ZNF407: variants seen among roughly 807,000 people sequenced by gnomAD.
The protein encoded by ZNF407 is zinc finger protein 407.
ZNF407 carries 17 observed loss-of-function variants against 131.2 expected under a neutral mutation model. The observed-to-expected ratio is 0.13, with a 90% CI of 0.09 to 0.19. The LOEUF is 0.19. Among genes scored for constraint, ZNF407 ranks in the 10% least tolerant of loss-of-function variants. The probability of loss-of-function intolerance (pLI) is 1.00; values close to 1 mark genes in which losing one functional copy is unlikely to be tolerated. For missense variants in ZNF407, 2,681 were observed against 2,830.6 expected (o/e 0.95, Z 1.20); for synonymous variants, 1,156 against 1,062.0 (o/e 1.09, Z -1.72).
intron 4 of ZNF407, among the ~76,000 whole-genome samples, chr18:74,862,571 T>C (rs1341163020): frequency 6.6e-6 from 1 of 152,252 alleles, no homozygotes; most frequent in African/African-American, 2.4e-5. Context: ...AATGCATTTA[T>C]GTAGTACTGT....
At chr18:74,847,799 C>G (rs1970722267) in intron 4 of ZNF407, among the ~76,000 whole-genome samples, 1 of 149,548 alleles carries the variant, frequency 6.7e-6, no homozygotes, top group South Asian at 2.1e-4. Flanking sequence ...AATTTTTTGT[C>G]ATTTAAAAAT....
At chr18:74,837,700 C>G (rs1408965564) in intron 4 of ZNF407, among the ~76,000 whole-genome samples, 1 of 152,062 alleles carries the variant, frequency 6.6e-6, no homozygotes, top group African/African-American at 2.4e-5. Flanking sequence ...GTCACCCAGG[C>G]TGGAGTGTAG....
intron 8 of ZNF407, among the ~76,000 whole-genome samples, chr18:75,054,625 T>A (rs1363289777): frequency 6.6e-6 from 1 of 152,248 alleles, no homozygotes; most frequent in African/African-American, 2.4e-5. Flanking sequence ...GTACAACTTT[T>A]GAAAAATAGG....
chr18:74,642,323 G>T (rs547316310), intron 3 of ZNF407, among the ~76,000 whole-genome samples: 11 of 152,216 alleles, frequency 7.2e-5, no homozygotes, highest in African/African-American at 9.6e-5. Context: ...CAAGGGTCAG[G>T]TGTCAAATGG....
intron 3 of ZNF407, among the ~76,000 whole-genome samples, chr18:74,641,620 T>C (rs1317092765): frequency 6.6e-6 from 1 of 152,218 alleles, no homozygotes; most frequent in Non-Finnish European, 1.5e-5. Context: ...AGAACTGTTG[T>C]TATGCATTTT....
intron 1 of ZNF407, among the ~76,000 whole-genome samples, chr18:74,612,436 A>T (rs541661845): frequency 6.6e-6 from 1 of 152,352 alleles, no homozygotes; most frequent in African/African-American, 2.4e-5. Flanking sequence ...TCTCAAAAAC[A>T]AACATGATTT....
At chr18:74,676,252 C>T (rs547684895) in intron 3 of ZNF407, among the ~76,000 whole-genome samples, 9 of 151,868 alleles carry the variant, frequency 5.9e-5, no homozygotes, top group East Asian at 2.0e-4. Context: ...CTGCCACGCC[C>T]GGCTAATTTT....
At chr18:75,021,307 C>A (rs890973472) in intron 8 of ZNF407, among the ~76,000 whole-genome samples, 5 of 151,292 alleles carry the variant, frequency 3.3e-5, no homozygotes, top group Non-Finnish European at 7.4e-5. Context: ...CCTGCTCTGT[C>A]ACCCAGGCTG....
chr18:75,043,097 T>C (rs545377456), intron 8 of ZNF407, among the ~76,000 whole-genome samples: 1 of 152,282 alleles, frequency 6.6e-6, no homozygotes, highest in East Asian at 1.9e-4. Context: ...ACAAACTGTT[T>C]TCCACCATGG....
intron 8 of ZNF407, among the ~76,000 whole-genome samples, chr18:74,934,989 G>A (rs17055966): frequency 0.13 from 19,248 of 152,118 alleles, 1,497 homozygotes; most frequent in Admixed American, 0.25. Flanking sequence ...TATGCCAGTA[G>A]ATGCTGCTCT....
intron 4 of ZNF407, among the ~76,000 whole-genome samples, chr18:74,782,812 G>T (rs1969631947): frequency 6.6e-6 from 1 of 151,998 alleles, no homozygotes; most frequent in Non-Finnish European, 1.5e-5. Flanking sequence ...GTAGAGACGG[G>T]GTTTCACTGT....
At chr18:74,766,070 TCTGTGTGTGTGTGG>T (rs1382367175) in intron 3 of ZNF407, among the ~76,000 whole-genome samples, 1 of 151,540 alleles carries the variant, frequency 6.6e-6, no homozygotes, top group Non-Finnish European at 1.5e-5. Context: ...TGTCTGTGTG[TCTGTGTGTGTGTGG>T]CTGTGTGAAT....
intron 8 of ZNF407, among the ~76,000 whole-genome samples, chr18:75,023,405 A>G (rs1973134786): frequency 6.6e-6 from 1 of 152,180 alleles, no homozygotes; most frequent in South Asian, 2.1e-4. Context: ...AACTGGTATT[A>G]GTGATATATC....
At chr18:74,734,683 GT>G (rs1323216806) in intron 3 of ZNF407, among the ~76,000 whole-genome samples, 2 of 144,686 alleles carry the variant, frequency 1.4e-5, no homozygotes, top group African/African-American at 5.7e-5. Flanking sequence ...GTGTGTGTGT[GT>G]GTGTGTGTGT....
At chr18:74,688,057 A>G (rs967092617) in intron 3 of ZNF407, among the ~76,000 whole-genome samples, 22 of 152,200 alleles carry the variant, frequency 1.4e-4, no homozygotes, top group Non-Finnish European at 2.9e-4. Context: ...TTTTTAAAAG[A>G]CCATCAAAAG....
chr18:74,964,276 A>G (rs781462218), intron 8 of ZNF407, among the ~76,000 whole-genome samples: 4 of 152,214 alleles, frequency 2.6e-5, no homozygotes, highest in African/African-American at 9.6e-5. Flanking sequence ...ATCATGTTAT[A>G]GGGGTAGGTA....
At chr18:74,938,718 G>A (rs1408959426) in intron 8 of ZNF407, among the ~76,000 whole-genome samples, 1 of 152,140 alleles carries the variant, frequency 6.6e-6, no homozygotes, top group Non-Finnish European at 1.5e-5. Flanking sequence ...AGAACTACAA[G>A]GGAAGGAAAA....
chr18:74,614,079 TATAAA>T (rs1983180176), intron 1 of ZNF407, among the ~76,000 whole-genome samples: 1 of 152,204 alleles, frequency 6.6e-6, no homozygotes, highest in Non-Finnish European at 1.5e-5. Flanking sequence ...TTGGATCACT[TATAAA>T]ATGAGGAATA....
At chr18:74,977,427 C>T (rs986406467) in intron 8 of ZNF407, among the ~76,000 whole-genome samples, 3 of 152,216 alleles carry the variant, frequency 2.0e-5, no homozygotes, top group Non-Finnish European at 4.4e-5. Flanking sequence ...GCAAGCAGGT[C>T]ACATTCCATG....
Sources: gnomAD v4.1 joint callset for allele counts (sites outside exome capture counted in the v4.1 genomes callset) on GRCh38, gnomAD v4.1.1 for gene constraint, MANE v1.5 for transcripts, NCBI Gene and HGNC (gene_info 2026-07-23, HGNC 2026-07-21) for gene names.